Variants in ACSF3 observed in about 807,000 individuals in gnomAD.
ACSF3 encodes the protein malonate--CoA ligase ACSF3, mitochondrial.
Under a neutral mutation model 53.2 loss-of-function variants are expected in ACSF3, and 78 were observed. The observed-to-expected ratio is 1.47, with a 90% CI of 1.22 to 1.77. The LOEUF is 1.77. Among genes scored for constraint, ACSF3 ranks in the 40% most tolerant of loss-of-function variants. The pLI, the probability that ACSF3 is intolerant of heterozygous loss-of-function variation, is 0.00. For synonymous variants in ACSF3, 414 were observed against 333.1 expected, an observed-to-expected ratio of 1.24 and a Z score of -2.65; for missense variants, 937 against 771.1, an observed-to-expected ratio of 1.22 and a Z score of -2.55.
At chr16:89,113,372 C>G (rs1904390101) in intron 5 of ACSF3, 1 of 152,296 alleles carries the variant, frequency 6.6e-6, no homozygotes, top group Non-Finnish European at 1.5e-5. Context: ...GCTTCGCTCT[C>G]TTTGCCGTTC....
chr16:89,115,824 G>A lies in ACSF3; in HGVS notation c.1126+1337G>A, dbSNP rs181774330. Reference sequence around the variant, plus strand: ...TGGCGTTGAGCACCTCTTCCTGTTCGTGTCATTCCGTTTTCAACTGGGGCC... The same window carrying A: ...TGGCGTTGAGCACCTCTTCCTGTTCATGTCATTCCGTTTTCAACTGGGGCC... On this transcript the variant is annotated intron_variant, in intron 6 of 10. Coordinates refer to ENST00000614302, the MANE Select transcript of ACSF3 (RefSeq NM_001243279.3). Among the ~76,000 whole-genome samples, 75 of 152,270 alleles carry A rather than the reference G, an allele frequency of 4.9e-4. 1 individual carries two copies. In the East Asian group the frequency reaches 0.011, roughly 23 times the overall value.
At chr16:89,143,085 T>G (rs1010446173) in intron 8 of ACSF3, among the ~76,000 whole-genome samples, 11 of 151,928 alleles carry the variant, frequency 7.2e-5, no homozygotes, top group African/African-American at 2.7e-4. Context: ...ATTTTAAAAC[T>G]TATAAAAAAG....
At chr16:89,133,030 C>T in intron 7 of ACSF3, 106 bp from the exon 8 acceptor site, 7 of 1,531,840 alleles carry the variant, frequency 4.6e-6, no homozygotes, top group East Asian at 2.3e-5. Flanking sequence ...AAGCACGCGG[C>T]CCTGGGTGGG....
intron 3 of ACSF3, among the ~76,000 whole-genome samples, 185 bp downstream of exon 3, chr16:89,101,532 A>C (rs1039165918): frequency 1.3e-5 from 2 of 152,178 alleles, no homozygotes; most frequent in Non-Finnish European, 2.9e-5. Context: ...CTCACTGGCC[A>C]CGCAGGACGG....
rs1298015916 is a variant in ACSF3 at position 89,138,213 on chromosome 16, C to A, written c.1366+4951C>A. 3.9e-5 allele frequency among the ~76,000 whole-genome samples: 6 copies of A among 152,266 alleles called. No individual in the cohort carries two copies. The South Asian group carries it at 1.0e-3, about 26-fold the overall frequency. ...CTCCCACAGCCTCTCCCTGTGGTAACGAGGTGGACGCTGAGCCCCAGGCCT... is the reference window on the plus strand; with the variant it reads ...CTCCCACAGCCTCTCCCTGTGGTAAAGAGGTGGACGCTGAGCCCCAGGCCT... On this transcript the variant is annotated intron_variant, in intron 8 of 10. Transcript: ENST00000614302.
In ACSF3 at chr16:89,154,143, T is replaced by C; in HGVS notation, c.1667T>C (p.Ile556Thr). 2 of 1,613,268 alleles carry C rather than the reference T, an allele frequency of 1.2e-6. No individual in the cohort carries two copies. The highest frequency in any genetic ancestry group is 8.5e-7 in the Non-Finnish European group (1 of 1,179,742). The change falls in exon 11 of 11, where the codon ATC (isoleucine) becomes ACC (threonine). Residue 556 changes from isoleucine to threonine, a missense_variant. Ile to Thr is a moderately conservative substitution (Grantham distance 89). Coordinates refer to ENST00000614302, the MANE Select transcript of ACSF3 (RefSeq NM_001243279.3). Reference protein sequence around the residue: ...VPSELVLVEEIPRNQMGKIDK... With the variant: ...VPSELVLVEETPRNQMGKIDK... ...TCGGAGCTGGTGCTGGTGGAGGAGATCCCGCGGAACCAGATGGGCAAGATT... is the reference window on the plus strand; with the variant it reads ...TCGGAGCTGGTGCTGGTGGAGGAGACCCCGCGGAACCAGATGGGCAAGATT...
intron 4 of ACSF3, among the ~76,000 whole-genome samples, chr16:89,104,862 C>A (rs1039776153): frequency 6.6e-6 from 1 of 152,228 alleles, no homozygotes; most frequent in Non-Finnish European, 1.5e-5. Context: ...CAGCTTTGTA[C>A]GAGCAAGTGA....
In ACSF3 at chr16:89,114,501, C is replaced by T. The variant is rs1267499754; in HGVS notation, c.1126+14C>T. 6.2e-7 allele frequency: 1 copy of T among 1,609,632 alleles called. No homozygotes were observed. Among genetic ancestry groups the T allele is most frequent in the African/African-American group, 1.3e-5 (1 of 74,912 alleles). ...TGCGCCTGCCAGGTACGAGCACTTC[C>T]CACAGCTGCGTTCCTCTTCCACTGT... On this transcript the variant is annotated intron_variant, in intron 6 of 10. Transcript: ENST00000614302.
chr16:89,116,887 G>C (rs1421974923), intron 6 of ACSF3, among the ~76,000 whole-genome samples: 4 of 152,216 alleles, frequency 2.6e-5, no homozygotes, highest in Non-Finnish European at 5.9e-5. Flanking sequence ...GGCACCAGCT[G>C]TTTCTTCGGT....
At chr16:89,124,967 A>G (rs546745868) in intron 7 of ACSF3, among the ~76,000 whole-genome samples, 1 of 152,212 alleles carries the variant, frequency 6.6e-6, no homozygotes, top group Non-Finnish European at 1.5e-5. Flanking sequence ...TTGTGGTTTT[A>G]TAGTAGGTCT....
intron 6 of ACSF3, among the ~76,000 whole-genome samples, chr16:89,116,627 C>T (rs1378378446): frequency 3.9e-5 from 6 of 152,154 alleles, no homozygotes; most frequent in Non-Finnish European, 5.9e-5. Context: ...GTGGGGTGGC[C>T]GCACAGAGTG....
At chr16:89,125,688 C>CA (rs1054432664) in intron 7 of ACSF3, among the ~76,000 whole-genome samples, 110 of 102,408 alleles carry the variant, frequency 1.1e-3, no homozygotes, top group Admixed American at 2.2e-3. Flanking sequence ...GAGACTGCCT[C>CA]AAAAAAAAAA....
In ACSF3 at chr16:89,102,503, T is replaced by C. The variant is rs7200676; in HGVS notation, c.667-101T>C. On this transcript the variant is annotated intron_variant, in intron 3 of 10. Transcript: ENST00000614302. ...CAGCCTTCTCCTTCCCCTTCCTCAG[T>C]GGGGAGGCCCAGAGCTCCTTTCCGT... The C allele has an allele frequency of 0.73, 1,021,924 of 1,392,920 alleles. 379,454 individuals carry two copies. Among genetic ancestry groups the C allele is most frequent in the Admixed American group, 0.8 (46,470 of 57,788 alleles). The allele number at this position is 1,392,920 out of a possible 1,614,324, so 86.3% of individuals were successfully genotyped here.
chr16:89,137,717 G>T (rs900764927), intron 8 of ACSF3, among the ~76,000 whole-genome samples: 1 of 152,092 alleles, frequency 6.6e-6, no homozygotes, highest in East Asian at 1.9e-4. Flanking sequence ...GGGGAGAGGG[G>T]AGTGGGGGGC....
At position 89,154,944 on chromosome 16, in the gene ACSF3, G is replaced by T. The variant is rs1438484503; in HGVS notation, c.*737G>T. ...CATCTCCACACCAGCCCCTCAGCCG[G>T]TGAACCCTCTCTCCCATCACCGTCT... On this transcript the variant is annotated 3_prime_UTR_variant, in exon 11 of 11. Transcript: ENST00000614302. 1 of 453,910 alleles carries T rather than the reference G, an allele frequency of 2.2e-6. No individual in the cohort carries two copies. The highest frequency in any genetic ancestry group is 1.6e-5 in the South Asian group (1 of 64,466). The allele number at this position is 453,910 out of a possible 1,614,324, so 28.1% of individuals were successfully genotyped here.
In ACSF3 at chr16:89,142,594, GCCACACCTGCAGACACAC is replaced by G. The variant is rs557515970; in HGVS notation, c.1367-2656_1367-2639del. ...ACACACCCACACCTGCAGAGACACA[GCCACACCTGCAGACACAC>G]CCACACCTGCAGACACCTACACCTG... is the stretch of plus-strand genomic sequence containing the variant. On this transcript the variant is annotated intron_variant, in intron 8 of 10. Transcript: ENST00000614302. Among the ~76,000 whole-genome samples, 257 of 121,718 alleles carry G rather than the reference GCCACACCTGCAGACACAC, an allele frequency of 2.1e-3. 3 individuals are homozygous for G. In the South Asian group the frequency reaches 0.033, roughly 16 times the overall value. 79.9% of individuals were successfully genotyped at this position (121,718 alleles called of 152,430 possible). A position where few individuals can be genotyped will look rare whatever the true frequency, so the allele number is the denominator to read the frequency against.
chr16:89,123,925 C>T (rs576524396), intron 7 of ACSF3, among the ~76,000 whole-genome samples: 44 of 152,172 alleles, frequency 2.9e-4, no homozygotes, highest in South Asian at 2.3e-3. Context: ...ATGCAGTGCG[C>T]GCACGGGTAT....
chr16:89,129,014 C>A (rs576470611), intron 7 of ACSF3, among the ~76,000 whole-genome samples: 12 of 152,218 alleles, frequency 7.9e-5, no homozygotes, highest in African/African-American at 2.9e-4. Context: ...TGCCTTTGGT[C>A]CCAGCTACAC....
chr16:89,131,750 G>A (rs1273607944), intron 7 of ACSF3, among the ~76,000 whole-genome samples: 1 of 152,166 alleles, frequency 6.6e-6, no homozygotes, highest in Non-Finnish European at 1.5e-5. Context: ...CTGACCAGTG[G>A]CCAGTCTGAC....
Sources: gnomAD v4.1 joint callset for allele counts (sites outside exome capture counted in the v4.1 genomes callset) on GRCh38, gnomAD v4.1.1 for gene constraint, MANE v1.5 for transcripts, NCBI Gene and HGNC (gene_info 2026-07-23, HGNC 2026-07-21) for gene names.